The following SLC27A2 variants were observed in gnomAD, a reference collection of about 807,000 sequenced individuals.
SLC27A2 encodes solute carrier family 27 member 2.
A neutral mutation model predicts 60.0 loss-of-function variants in SLC27A2; 54 were observed. The observed-to-expected ratio is 0.90, with a 90% CI of 0.72 to 1.13. The LOEUF (loss-of-function observed/expected upper bound fraction) is 1.13. Among genes scored for constraint, SLC27A2 ranks in the 50% most tolerant of loss-of-function variants. The pLI, the probability that SLC27A2 is intolerant of heterozygous loss-of-function variation, is 0.00. For missense variants in SLC27A2, 739 were observed against 777.6 expected (o/e 0.95, Z 0.59); for synonymous variants, 297 against 297.6 (o/e 1.00, Z 0.02).
chr15:50,222,866 G>T, intron 4 of SLC27A2, 99 bp from the exon 5 acceptor site: 3 of 999,988 alleles, frequency 3.0e-6, no homozygotes, highest in Non-Finnish European at 4.4e-6. Flanking sequence ...GGCAATGTCA[G>T]TATAAATTAA....
At chr15:50,229,561 G>T (rs1436392580) in intron 8 of SLC27A2, among the ~76,000 whole-genome samples, 1 of 152,194 alleles carries the variant, frequency 6.6e-6, no homozygotes, top group East Asian at 1.9e-4. Context: ...AGCAGAGTCA[G>T]GAGGGCCAGT....
chr15:50,196,760 C>T (rs1245665407), intron 1 of SLC27A2, among the ~76,000 whole-genome samples: 1 of 151,738 alleles, frequency 6.6e-6, no homozygotes, highest in Non-Finnish European at 1.5e-5. Context: ...CCTTTTTTTT[C>T]CCTCAGATTA....
At position 50,226,090 on chromosome 15, in the gene SLC27A2, T is replaced by A; in HGVS notation, c.1258+12T>A. 6.5e-7 allele frequency: 1 copy of A among 1,537,026 alleles called. No individual in the cohort carries two copies. The highest frequency in any genetic ancestry group is 1.7e-5 in the Admixed American group (1 of 59,710). On this transcript the variant is annotated intron_variant, in intron 6 of 9. Coordinates refer to ENST00000267842, the MANE Select transcript of SLC27A2 (RefSeq NM_003645.4). Reference sequence around the variant, plus strand: ...CAGAGTTCCCAAAGGTACAGTGGACTTTTGTTCAATCAACCTGTGCCCCTT... The same window carrying A: ...CAGAGTTCCCAAAGGTACAGTGGACATTTGTTCAATCAACCTGTGCCCCTT...
At chr15:50,205,734 C>T (rs1226676555) in intron 4 of SLC27A2, among the ~76,000 whole-genome samples, 3 of 152,124 alleles carry the variant, frequency 2.0e-5, no homozygotes, top group Non-Finnish European at 4.4e-5. Flanking sequence ...TTCTCCCCTA[C>T]GTCATTTTAT....
intron 7 of SLC27A2, among the ~76,000 whole-genome samples, chr15:50,228,701 C>T (rs1043476772): frequency 6.6e-6 from 1 of 152,146 alleles, no homozygotes; most frequent in South Asian, 2.1e-4. Context: ...GAACATTATT[C>T]TGTGTATTGT....
chr15:50,196,122 A>G (rs867756258), intron 1 of SLC27A2, among the ~76,000 whole-genome samples: 51 of 100,520 alleles, frequency 5.1e-4, no homozygotes, highest in South Asian at 7.0e-4. Context: ...ATATATATAT[A>G]TATGTATGTA....
In SLC27A2 at chr15:50,182,649, C is replaced by G. The variant is rs755258247; in HGVS notation, c.222C>G (p.Phe74Leu). 3.1e-6 allele frequency: 5 copies of G among 1,613,900 alleles called. No homozygotes were observed. The South Asian group carries it at 5.5e-5, about 18-fold the overall frequency. ...CGCCACACAAGCCTTTTCTGCTCTT[C>G]CGCGACGAGACTCTCACCTACGCGC... ...RQTPHKPFLLFRDETLTYAQV... is the reference protein window; with the variant it reads ...RQTPHKPFLLLRDETLTYAQV... The change falls in exon 1 of 10, where the codon TTC becomes TTG. Residue 74 changes from phenylalanine to leucine, a missense_variant. Physicochemically the swap from Phe to Leu is conservative, Grantham distance 22. Coordinates refer to ENST00000267842, the MANE Select transcript of SLC27A2 (RefSeq NM_003645.4).
intron 1 of SLC27A2, among the ~76,000 whole-genome samples, chr15:50,188,236 G>A (rs78499900): frequency 0.011 from 1,749 of 152,252 alleles, 31 homozygotes; most frequent in African/African-American, 0.04. Flanking sequence ...CAGTGGGGGA[G>A]GGGGCATTCC....
intron 4 of SLC27A2, among the ~76,000 whole-genome samples, chr15:50,217,564 A>T (rs2045208363): frequency 6.6e-6 from 1 of 152,144 alleles, no homozygotes; most frequent in African/African-American, 2.4e-5. Flanking sequence ...CGGAAAAGAC[A>T]TTGGACATGG....
chr15:50,222,061 G>A (rs927016375), intron 4 of SLC27A2: 1 of 152,156 alleles, frequency 6.6e-6, no homozygotes, highest in African/African-American at 2.4e-5. Context: ...TATTTGTGGG[G>A]TCTCCTAAAT....
intron 1 of SLC27A2, among the ~76,000 whole-genome samples, chr15:50,196,053 CAAAAAAAA>C (rs1163958587): frequency 0.019 from 34 of 1,808 alleles, no homozygotes; most frequent in African/African-American, 0.035. Flanking sequence ...GACTCTGTCT[CAAAAAAAA>C]AAAAAAAAAA....
intron 1 of SLC27A2, among the ~76,000 whole-genome samples, chr15:50,186,800 A>C (rs1176720020): frequency 6.6e-6 from 1 of 152,260 alleles, no homozygotes; most frequent in African/African-American, 2.4e-5. Flanking sequence ...GCCCATGATC[A>C]AGTGGATAGT....
intron 3 of SLC27A2, among the ~76,000 whole-genome samples, chr15:50,204,712 G>A (rs1196132937): frequency 6.6e-6 from 1 of 151,336 alleles, no homozygotes; most frequent in Non-Finnish European, 1.5e-5. Flanking sequence ...CAGCCTGGGT[G>A]ACAGAGCGAG....
chr15:50,204,332 T>C (rs1160397124), intron 3 of SLC27A2, among the ~76,000 whole-genome samples: 2 of 152,048 alleles, frequency 1.3e-5, no homozygotes, highest in Non-Finnish European at 2.9e-5. Context: ...CCAGGCATGA[T>C]GGTGTCCACC....
intron 2 of SLC27A2, among the ~76,000 whole-genome samples, chr15:50,198,019 T>C (rs932676687): frequency 3.3e-5 from 5 of 152,158 alleles, no homozygotes; most frequent in African/African-American, 9.7e-5. Flanking sequence ...TCATGCTTGT[T>C]GTATTTTGAT....
At chr15:50,220,848 G>T (rs1022834131) in intron 4 of SLC27A2, among the ~76,000 whole-genome samples, 1 of 152,128 alleles carries the variant, frequency 6.6e-6, no homozygotes, top group Admixed American at 6.5e-5. Flanking sequence ...ATGATCTCTG[G>T]ACTTAACGGG....
chr15:50,185,113 A>G (rs543503266), intron 1 of SLC27A2, among the ~76,000 whole-genome samples: 1 of 152,302 alleles, frequency 6.6e-6, no homozygotes, highest in East Asian at 1.9e-4. Flanking sequence ...CAGGGTTTGG[A>G]GTTTTGTTGA....
intron 1 of SLC27A2, among the ~76,000 whole-genome samples, chr15:50,192,007 T>C (rs1230375955): frequency 2.0e-5 from 3 of 150,146 alleles, no homozygotes; most frequent in African/African-American, 7.4e-5. Flanking sequence ...TTGCAGTGAG[T>C]TGAGATCACG....
At chr15:50,213,435 T>G (rs1031762555) in intron 4 of SLC27A2, among the ~76,000 whole-genome samples, 3 of 152,198 alleles carry the variant, frequency 2.0e-5, no homozygotes, top group African/African-American at 7.2e-5. Flanking sequence ...GGATTTAAAC[T>G]ATACTTTGGA....
Sources: gnomAD v4.1 joint callset for allele counts (sites outside exome capture counted in the v4.1 genomes callset) on GRCh38, gnomAD v4.1.1 for gene constraint, MANE v1.5 for transcripts, NCBI Gene and HGNC (gene_info 2026-07-23, HGNC 2026-07-21) for gene names.